ALKBH1: variants seen among roughly 807,000 people sequenced by gnomAD.
ALKBH1 encodes nucleic acid dioxygenase ALKBH1.
Under a neutral mutation model 36.6 loss-of-function variants are expected in ALKBH1, and 31 were observed. The observed-to-expected ratio is 0.85, with a 90% CI of 0.64 to 1.14. The LOEUF (loss-of-function observed/expected upper bound fraction) is 1.14. Among genes scored for constraint, ALKBH1 ranks in the 50% most tolerant of loss-of-function variants. The pLI is 0.00. For missense variants in ALKBH1, 490 were observed against 497.3 expected (o/e 0.99, Z 0.14); for synonymous variants, 183 against 186.6 (o/e 0.98, Z 0.16).
chr14:77,676,280 G>C (rs2080205427), intron 4 of ALKBH1, among the ~76,000 whole-genome samples: 1 of 151,944 alleles, frequency 6.6e-6, no homozygotes, highest in Non-Finnish European at 1.5e-5. Context: ...ACTGTGCCCG[G>C]TCTATCCATC....
intron 3 of ALKBH1, among the ~76,000 whole-genome samples, chr14:77,693,987 A>G (rs1429561762): frequency 6.6e-6 from 1 of 152,198 alleles, no homozygotes; most frequent in Non-Finnish European, 1.5e-5. Flanking sequence ...ACTCTGTCTC[A>G]AAAAACAAAA....
chr14:77,680,250 A>G (rs975439933), intron 3 of ALKBH1, among the ~76,000 whole-genome samples: 3 of 152,190 alleles, frequency 2.0e-5, no homozygotes, highest in African/African-American at 7.2e-5. Context: ...TAAAATAAGA[A>G]TGACAACAAT....
Position 77,705,411 on chromosome 14 carries a change from G to GA in ALKBH1, c.184-935dup, listed in dbSNP as rs56123313. Among the ~76,000 whole-genome samples the GA allele has an allele frequency of 1.5e-3, 173 of 113,356 alleles. 5 individuals carry two copies. Among genetic ancestry groups the GA allele is most frequent in the African/African-American group, 2.7e-3 (79 of 29,362 alleles). 74.4% of individuals were successfully genotyped at this position (113,356 alleles called of 152,430 possible). A position where few individuals can be genotyped will look rare whatever the true frequency, so the allele number is the denominator to read the frequency against. Reference sequence around the variant, plus strand: ...AGGAACAGAGCAAGACTCCGTCTAAGAAAAAAAAAAAAAAAAAAAAAGAGA... The same window carrying GA: ...AGGAACAGAGCAAGACTCCGTCTAAGAAAAAAAAAAAAAAAAAAAAAAGAGA... On this transcript the variant is annotated intron_variant, in intron 1 of 5. Transcript: ENST00000216489.
chr14:77,687,747 G>A (rs552983164), intron 3 of ALKBH1, among the ~76,000 whole-genome samples: 2 of 152,202 alleles, frequency 1.3e-5, no homozygotes, highest in Non-Finnish European at 2.9e-5. Flanking sequence ...CCTTCTGGCT[G>A]CTTGATGTCT....
At position 77,707,397 on chromosome 14, in the gene ALKBH1, G is replaced by A. The variant is rs114051265; in HGVS notation, c.183+425C>T. ...TAAAAGAGCCAGAGGAGAAGACAGGGACTAGTTTTACGCACAGTGGCTTAA... is the reference window on the plus strand; with the variant it reads ...TAAAAGAGCCAGAGGAGAAGACAGGAACTAGTTTTACGCACAGTGGCTTAA... On this transcript the variant is annotated intron_variant, in intron 1 of 5. Coordinates refer to ENST00000216489, the MANE Select transcript of ALKBH1 (RefSeq NM_006020.3). Among the ~76,000 whole-genome samples, 671 of 152,322 alleles carry A rather than the reference G, an allele frequency of 4.4e-3. 3 individuals carry two copies. Among genetic ancestry groups the A allele is most frequent in the African/African-American group, 0.015 (637 of 41,578 alleles).
intron 3 of ALKBH1, chr14:77,684,062 C>T (rs942865766): frequency 1.3e-5 from 2 of 152,304 alleles, no homozygotes; most frequent in Non-Finnish European, 2.9e-5. Flanking sequence ...AAAGCCTTTA[C>T]AGAACCTGTC....
intron 1 of ALKBH1, 56 bp from the exon 2 acceptor site, chr14:77,704,533 G>T: frequency 7.1e-7 from 1 of 1,401,892 alleles, no homozygotes; most frequent in Non-Finnish European, 1.0e-6. Flanking sequence ...GGTCAACCCC[G>T]GGAACCTCAA....
At position 77,679,222 on chromosome 14, in the gene ALKBH1, T is replaced by C. The variant is rs577963183; in HGVS notation, c.546+658A>G. Among the ~76,000 whole-genome samples the C allele has an allele frequency of 2.0e-5, 3 of 152,158 alleles. No homozygotes were observed. The South Asian group carries it at 6.2e-4, about 32-fold the overall frequency. ...ATATTACATAGAAAAATAAGTGCTC[T>C]TGAATGTGGCTTTTGTTGCACAATA... is the stretch of plus-strand genomic sequence containing the variant. On this transcript the variant is annotated intron_variant, in intron 4 of 5. Transcript: ENST00000216489.
chr14:77,691,332 T>TA (rs1409278531), intron 3 of ALKBH1, among the ~76,000 whole-genome samples: 17 of 152,228 alleles, frequency 1.1e-4, no homozygotes, highest in African/African-American at 2.4e-5. Flanking sequence ...AAAAGGATCT[T>TA]AGAGGTCCTT....
In ALKBH1 at chr14:77,673,014, T is replaced by A. The variant is rs1344607962; in HGVS notation, c.*798A>T. ...CAGAAAAAAAAACCTTAATCCCAGA[T>A]AGACTAAACCCCAAAGACAGATATA... On this transcript the variant is annotated 3_prime_UTR_variant, in exon 6 of 6. Coordinates refer to ENST00000216489, the MANE Select transcript of ALKBH1 (RefSeq NM_006020.3). 3 of 152,168 alleles carry A rather than the reference T, an allele frequency of 2.0e-5. No homozygotes were observed. Among genetic ancestry groups the A allele is most frequent in the Admixed American group, 2.0e-4 (3 of 15,274 alleles). The allele number at this position is 152,168 out of a possible 1,614,324, so 9.4% of individuals were successfully genotyped here.
chr14:77,700,830 G>A (rs2080355344), intron 2 of ALKBH1, among the ~76,000 whole-genome samples: 1 of 152,114 alleles, frequency 6.6e-6, no homozygotes, highest in African/African-American at 2.4e-5. Context: ...GTTCAGGTCT[G>A]TAATCCCAGC....
chr14:77,698,924 TTTTAA>T (rs776791957), intron 2 of ALKBH1, among the ~76,000 whole-genome samples: 136 of 152,280 alleles, frequency 8.9e-4, no homozygotes, highest in Non-Finnish European at 1.6e-3. Flanking sequence ...AATTTTTGTA[TTTTAA>T]TTTATTTTCT....
Position 77,674,021 on chromosome 14 carries a change from G to A in ALKBH1, c.961C>T (p.Pro321Ser), listed in dbSNP as rs939499518. The A allele has an allele frequency of 8.1e-6, 13 of 1,614,180 alleles. No homozygotes were observed. Among genetic ancestry groups the A allele is most frequent in the Admixed American group, 1.7e-5 (1 of 60,022 alleles). ...ACCTGCCAGTCCTCCATAGAACAAGGCTCTACCATTGAATCTCTCGGGAGG... is the reference window on the plus strand; with the variant it reads ...ACCTGCCAGTCCTCCATAGAACAAGACTCTACCATTGAATCTCTCGGGAGG... ...AVLPRDSMVE[P>S]CSMEDWQVCA... is the part of the protein sequence containing the mutation. Residue 321 changes from proline (P) to serine (S), a missense_variant, in exon 6 of 6, where the codon CCT becomes TCT. Physicochemically the swap from Pro to Ser is moderately conservative, Grantham distance 74. Coordinates refer to ENST00000216489, the MANE Select transcript of ALKBH1 (RefSeq NM_006020.3).
rs143785457 is a variant in ALKBH1, at chr14:77,701,764, AAAAT to A, written c.292+2601_292+2604del. On this transcript the variant is annotated intron_variant, in intron 2 of 5. Coordinates refer to ENST00000216489, the MANE Select transcript of ALKBH1 (RefSeq NM_006020.3). ...ACAGCTTATAGGGGAAAGTAAGTAA[AAAAT>A]AAATAAATAAAATAAACACAGCTTA... 5.8e-3 allele frequency among the ~76,000 whole-genome samples: 886 copies of A among 152,306 alleles called. 15 individuals carry two copies. The highest frequency in any genetic ancestry group is 0.02 in the African/African-American group (825 of 41,564).
intron 1 of ALKBH1, among the ~76,000 whole-genome samples, 190 bp downstream of exon 1, chr14:77,707,632 A>T (rs537498435): frequency 6.6e-6 from 1 of 152,302 alleles, no homozygotes; most frequent in South Asian, 2.1e-4. Flanking sequence ...CCGCCTAAAG[A>T]AACAGGCATC....
At chr14:77,686,238 G>A (rs191809989) in intron 3 of ALKBH1, among the ~76,000 whole-genome samples, 1 of 152,182 alleles carries the variant, frequency 6.6e-6, no homozygotes, top group East Asian at 1.9e-4. Flanking sequence ...ACATGCTTCC[G>A]GATCATTTTT....
chr14:77,683,500 T>A, intron 3 of ALKBH1: 1 of 690,616 alleles, frequency 1.4e-6, no homozygotes, highest in South Asian at 1.4e-5. Flanking sequence ...TCTTCCAGTT[T>A]TGCCATGGCA....
In ALKBH1 at chr14:77,673,773, A is replaced by G; in HGVS notation, c.*39T>C. ...ACACAATAACATGATCATTTACGGT[A>G]AGCAGGTGCCTGAGTAAAAAGGATG... On this transcript the variant is annotated 3_prime_UTR_variant, in exon 6 of 6. Coordinates refer to ENST00000216489, the MANE Select transcript of ALKBH1 (RefSeq NM_006020.3). 2 of 1,571,772 alleles carry G rather than the reference A, an allele frequency of 1.3e-6. No homozygotes were observed. The highest frequency in any genetic ancestry group is 1.7e-6 in the Non-Finnish European group (2 of 1,154,492).
chr14:77,700,501 A>G (rs1339739311), intron 2 of ALKBH1, among the ~76,000 whole-genome samples: 1 of 152,244 alleles, frequency 6.6e-6, no homozygotes, highest in African/African-American at 2.4e-5. Flanking sequence ...CTTCTAAAGT[A>G]GCTCCAAAAT....
Sources: allele counts gnomAD v4.1 joint callset (sites outside exome capture counted in the v4.1 genomes callset), GRCh38; gene constraint gnomAD v4.1.1; transcripts MANE v1.5; gene names NCBI Gene and HGNC (gene_info 2026-07-23, HGNC 2026-07-21).